The following SDHAF3 variants were observed in gnomAD, a reference collection of about 807,000 sequenced individuals.
The protein encoded by SDHAF3 is succinate dehydrogenase assembly factor 3, mitochondrial.
In SDHAF3, 18 loss-of-function variants were observed where a neutral mutation model predicts 11.5. The ratio of observed to expected loss-of-function variants is 1.56; its 90% CI spans 1.08 to 2.32. The LOEUF is 2.32. Among genes scored for constraint, SDHAF3 ranks in the 30% most tolerant of loss-of-function variants. SDHAF3 has a pLI of 0.00. For missense variants in SDHAF3, 200 were observed against 154.4 expected, an observed-to-expected ratio of 1.30 and a Z score of -1.57; for synonymous variants, 72 against 59.3, an observed-to-expected ratio of 1.21 and a Z score of -0.99.
intron 1 of SDHAF3, among the ~76,000 whole-genome samples, chr7:97,131,910 T>C (rs1791676864): frequency 6.6e-6 from 1 of 152,162 alleles, no homozygotes; most frequent in South Asian, 2.1e-4. Flanking sequence ...TATAGCCACA[T>C]GATGGATGGG....
At chr7:97,132,761 G>A (rs1263805673) in intron 1 of SDHAF3, among the ~76,000 whole-genome samples, 3 of 152,158 alleles carry the variant, frequency 2.0e-5, no homozygotes, top group Non-Finnish European at 4.4e-5. Flanking sequence ...GTGGAAGACA[G>A]GTAAATAGGC....
chr7:97,164,395 T>G lies in SDHAF3; in HGVS notation c.175-16617T>G, dbSNP rs1478080968. 2.6e-5 allele frequency among the ~76,000 whole-genome samples: 4 copies of G among 151,378 alleles called. No homozygotes were observed. In the East Asian group the frequency reaches 7.7e-4, roughly 29 times the overall value. On this transcript the variant is annotated intron_variant, in intron 1 of 1. Coordinates refer to ENST00000432641, the MANE Select transcript of SDHAF3 (RefSeq NM_020186.3). ...TGGTTCATAGTTCTTTTTTTTTTTT[T>G]TTTTCAGACAGAGTTTCACTCTTGT...
chr7:97,142,120 C>T (rs1251106132), intron 1 of SDHAF3, among the ~76,000 whole-genome samples: 3 of 122,240 alleles, frequency 2.5e-5, no homozygotes, highest in East Asian at 2.7e-4. Flanking sequence ...GTGGTGTGAT[C>T]GTGGCTCACT....
At chr7:97,153,385 C>G (rs539406121) in intron 1 of SDHAF3, among the ~76,000 whole-genome samples, 130 of 152,266 alleles carry the variant, frequency 8.5e-4, no homozygotes, top group African/African-American at 3.0e-3. Flanking sequence ...ATGGCTTGAT[C>G]ATTTCTTTTT....
In SDHAF3 at chr7:97,181,024, G is replaced by A. The variant is rs1789763524; in HGVS notation, c.187G>A (p.Ala63Thr). ...TTTATCTTTTTAGGTGTATGCAACA[G>A]CGTTATTGCAACAGGCTAACGAAAA... ...FLQEWEVYAT[A>T]LLQQANENRQ... The change falls in exon 2 of 2, where the codon GCG becomes ACG. Residue 63 changes from alanine (A) to threonine (T), a missense_variant. By Grantham distance (58) the Ala-to-Thr change is moderately conservative. Coordinates refer to ENST00000432641, the MANE Select transcript of SDHAF3 (RefSeq NM_020186.3). 10 of 1,613,598 alleles carry A rather than the reference G, an allele frequency of 6.2e-6. No homozygotes were observed. Among genetic ancestry groups the A allele is most frequent in the Non-Finnish European group, 8.5e-6 (10 of 1,179,688 alleles).
chr7:97,147,594 G>C (rs991484196), intron 1 of SDHAF3, among the ~76,000 whole-genome samples: 2 of 152,186 alleles, frequency 1.3e-5, no homozygotes, highest in Non-Finnish European at 2.9e-5. Context: ...CAGCCCAAAA[G>C]GAAAGCTCAT....
At chr7:97,118,979 A>G (rs1475894066) in intron 1 of SDHAF3, among the ~76,000 whole-genome samples, 1 of 152,240 alleles carries the variant, frequency 6.6e-6, no homozygotes, top group Non-Finnish European at 1.5e-5. Flanking sequence ...TTTCAGACAC[A>G]GAGCACTTTA....
intron 1 of SDHAF3, among the ~76,000 whole-genome samples, chr7:97,153,766 C>G (rs1016135728): frequency 1.3e-5 from 2 of 152,040 alleles, no homozygotes; most frequent in African/African-American, 4.8e-5. Flanking sequence ...CATATCCTTG[C>G]CAGCGTTTTA....
At chr7:97,133,745 C>G (rs2115643264) in intron 1 of SDHAF3, among the ~76,000 whole-genome samples, 1 of 152,292 alleles carries the variant, frequency 6.6e-6, no homozygotes, top group Middle Eastern at 3.4e-3. Flanking sequence ...GCCTCATTTA[C>G]AAGTTTGTGT....
chr7:97,140,702 C>A (rs1468573667), intron 1 of SDHAF3, among the ~76,000 whole-genome samples: 1 of 151,998 alleles, frequency 6.6e-6, no homozygotes, highest in African/African-American at 2.4e-5. Context: ...ATTTCCAATG[C>A]CTGTCTTTAA....
At chr7:97,173,590 T>A (rs370010947) in intron 1 of SDHAF3, among the ~76,000 whole-genome samples, 1 of 132,782 alleles carries the variant, frequency 7.5e-6, no homozygotes, top group African/African-American at 2.9e-5. Flanking sequence ...TCTCTCTCTC[T>A]CACCCAGGCT....
chr7:97,140,808 A>C (rs532979151), intron 1 of SDHAF3, among the ~76,000 whole-genome samples: 1 of 152,206 alleles, frequency 6.6e-6, no homozygotes, highest in Non-Finnish European at 1.5e-5. Context: ...TTTGTAGAGC[A>C]TGTGTGTTTG....
chr7:97,133,164 T>C (rs1247169150), intron 1 of SDHAF3, among the ~76,000 whole-genome samples: 1 of 152,200 alleles, frequency 6.6e-6, no homozygotes, highest in Non-Finnish European at 1.5e-5. Flanking sequence ...GAGTGGGATC[T>C]AGGGTGGTAC....
At chr7:97,138,440 G>A (rs559735411) in intron 1 of SDHAF3, among the ~76,000 whole-genome samples, 8 of 152,274 alleles carry the variant, frequency 5.3e-5, no homozygotes, top group African/African-American at 1.9e-4. Flanking sequence ...TAGGATTACA[G>A]GCATGAGCCA....
At chr7:97,131,398 C>G (rs1470269347) in intron 1 of SDHAF3, among the ~76,000 whole-genome samples, 1 of 152,092 alleles carries the variant, frequency 6.6e-6, no homozygotes, top group East Asian at 1.9e-4. Context: ...TGCTAATTGC[C>G]TGATATTTCT....
chr7:97,121,861 T>G (rs1350747524), intron 1 of SDHAF3, among the ~76,000 whole-genome samples: 2 of 137,574 alleles, frequency 1.5e-5, no homozygotes, highest in African/African-American at 6.0e-5. Flanking sequence ...TTTGTTTTTT[T>G]TTTTTTTGTT....
At chr7:97,152,593 A>G (rs904672502) in intron 1 of SDHAF3, among the ~76,000 whole-genome samples, 3 of 152,176 alleles carry the variant, frequency 2.0e-5, no homozygotes, top group Non-Finnish European at 4.4e-5. Context: ...TGAGGAGGTT[A>G]GGAAGTTTAT....
At chr7:97,179,259 G>T (rs11975277) in intron 1 of SDHAF3, among the ~76,000 whole-genome samples, 2 of 152,074 alleles carry the variant, frequency 1.3e-5, no homozygotes, top group African/African-American at 4.8e-5. Context: ...TTTTGAAATT[G>T]GGAGTTGTGA....
intron 1 of SDHAF3, 136 bp downstream of exon 1, chr7:97,118,033 A>G (rs1791435054): frequency 2.8e-6 from 3 of 1,074,594 alleles, no homozygotes; most frequent in South Asian, 3.5e-5. Flanking sequence ...CTGTTCAGGT[A>G]ACACTTTCCA....
Sources: gnomAD v4.1 joint callset for allele counts (sites outside exome capture counted in the v4.1 genomes callset) on GRCh38, gnomAD v4.1.1 for gene constraint, MANE v1.5 for transcripts, NCBI Gene and HGNC (gene_info 2026-07-23, HGNC 2026-07-21) for gene names.